Variants in ACAD8 observed in about 807,000 individuals in gnomAD.
ACAD8 encodes the protein isobutyryl-CoA dehydrogenase, mitochondrial.
Under a neutral mutation model 53.1 loss-of-function variants are expected in ACAD8, and 47 were observed. The ratio of observed to expected loss-of-function variants is 0.89; its 90% CI spans 0.70 to 1.13. The LOEUF (loss-of-function observed/expected upper bound fraction) is 1.13. Ranked by LOEUF, ACAD8 falls within the 50% of genes most tolerant of loss-of-function variation. ACAD8 has a pLI of 0.00. For missense variants in ACAD8, 494 were observed against 535.0 expected, an observed-to-expected ratio of 0.92 and a Z score of 0.76; for synonymous variants, 198 against 201.3, an observed-to-expected ratio of 0.98 and a Z score of 0.14.
At chr11:134,264,876 G>C (rs1426565949) in intron 10 of ACAD8, 32 bp from the exon 11 acceptor site, 7 of 1,606,764 alleles carry the variant, frequency 4.4e-6, no homozygotes, top group Non-Finnish European at 6.0e-6. Flanking sequence ...CTTTGCTGCT[G>C]TGAAATTCTT....
At chr11:134,262,741 G>A (rs770713884) in intron 10 of ACAD8, 119 bp downstream of exon 10, 21 of 1,515,038 alleles carry the variant, frequency 1.4e-5, no homozygotes, top group African/African-American at 1.1e-4. Flanking sequence ...TGTCTGTCTC[G>A]AGGCTTCCTC....
chr11:134,259,952 G>C, intron 6 of ACAD8: 1 of 1,427,018 alleles, frequency 7.0e-7, no homozygotes, highest in South Asian at 1.3e-5. Context: ...GACAATGTTT[G>C]CCAGTAAATT....
chr11:134,265,433 C>G lies in ACAD8; in HGVS notation c.*473C>G, dbSNP rs999954978. The G allele has an allele frequency of 4.2e-5, 7 of 168,456 alleles. No individual in the cohort carries two copies. The highest frequency in any genetic ancestry group is 4.0e-4 in the Admixed American group (7 of 17,414). 10.4% of individuals were successfully genotyped at this position (168,456 alleles called of 1,614,324 possible). A position where few individuals can be genotyped will look rare whatever the true frequency, so the allele number is the denominator to read the frequency against. ...GTTCTCTGTGCCACAGCTACAGATG[C>G]AGAAGGTTTCTCTGGATAGCACACC... On this transcript the variant is annotated 3_prime_UTR_variant, in exon 11 of 11. Coordinates refer to ENST00000281182, the MANE Select transcript of ACAD8 (RefSeq NM_014384.3).
intron 6 of ACAD8, chr11:134,260,594 G>A (rs1450849817): frequency 1.1e-5 from 3 of 285,546 alleles, no homozygotes; most frequent in East Asian, 9.5e-5. Context: ...TAACTCCTGG[G>A]CAGGAAGACC....
At position 134,261,256 on chromosome 11, in the gene ACAD8, C is replaced by G. The variant is rs950055547; in HGVS notation, c.842-19C>G. On this transcript the variant is annotated intron_variant, in intron 7 of 10. Coordinates refer to ENST00000281182, the MANE Select transcript of ACAD8 (RefSeq NM_014384.3). The surrounding 1 kb of genome is among the most constrained non-coding windows in gnomAD (Gnocchi z 4.2). ...CTGTTTTCCAGCTTGGTTGGAACGT[C>G]GGCGCTCTTCCCCTCTAGCTTCCTG... 9 of 1,614,046 alleles carry G rather than the reference C, an allele frequency of 5.6e-6. No individual in the cohort carries two copies. The highest frequency in any genetic ancestry group is 7.6e-6 in the Non-Finnish European group (9 of 1,179,950).
chr11:134,253,592 G>T lies in ACAD8; in HGVS notation c.-9G>T, dbSNP rs1342542789. ...CAGACTCTTAGCTGAACGCGGAGCT[G>T]CGGCGGCTATGCTGTGGAGCGGCTG... On this transcript the variant is annotated 5_prime_UTR_variant, in exon 1 of 11. Coordinates refer to ENST00000281182, the MANE Select transcript of ACAD8 (RefSeq NM_014384.3). The T allele has an allele frequency of 1.3e-6, 2 of 1,575,350 alleles. No homozygotes were observed. The highest frequency in any genetic ancestry group is 1.7e-6 in the Non-Finnish European group (2 of 1,163,112).
intron 10 of ACAD8, chr11:134,263,284 G>A (rs1940007919): frequency 3.0e-6 from 3 of 1,001,824 alleles, no homozygotes; most frequent in Non-Finnish European, 3.6e-6. Context: ...AGCAACGTGA[G>A]GCTGCCTTGC....
chr11:134,261,260 G>A lies in ACAD8; in HGVS notation c.842-15G>A, dbSNP rs778257880. ...TTTCCAGCTTGGTTGGAACGTCGGC[G>A]CTCTTCCCCTCTAGCTTCCTGCTCC... On this transcript the variant is annotated splice_polypyrimidine_tract_variant and intron_variant, in intron 7 of 10. Coordinates refer to ENST00000281182, the MANE Select transcript of ACAD8 (RefSeq NM_014384.3). The surrounding 1 kb of genome is among the most constrained non-coding windows in gnomAD (Gnocchi z 4.2). The A allele has an allele frequency of 1.3e-4, 217 of 1,613,954 alleles. No homozygotes were observed. The East Asian group carries it at 4.6e-3, about 34-fold the overall frequency.
At chr11:134,253,809 G>C in intron 1 of ACAD8, 100 bp downstream of exon 1, 3 of 1,258,120 alleles carry the variant, frequency 2.4e-6, no homozygotes, top group Non-Finnish European at 3.4e-6. Context: ...AGTCACCCCG[G>C]CGTCAGCTCC....
intron 1 of ACAD8, 67 bp downstream of exon 1, chr11:134,253,776 G>T: frequency 6.9e-7 from 1 of 1,447,840 alleles, no homozygotes; most frequent in Non-Finnish European, 9.4e-7. Flanking sequence ...TCCGCGAGGG[G>T]CTGCAGTCTC....
chr11:134,257,676 AAAAT>A (rs1437975293), intron 3 of ACAD8: 15 of 285,640 alleles, frequency 5.3e-5, no homozygotes, highest in East Asian at 2.7e-4. Flanking sequence ...CATCTCAAAA[AAAAT>A]AAATAAATAA....
intron 9 of ACAD8, chr11:134,262,110 CTGT>C: frequency 2.9e-6 from 2 of 687,262 alleles, no homozygotes; most frequent in South Asian, 1.5e-5. Context: ...CATTATGTCA[CTGT>C]TGTTTGGTTG....
At chr11:134,262,174 G>T (rs1382826969) in intron 9 of ACAD8, 4 of 658,650 alleles carry the variant, frequency 6.1e-6, no homozygotes, top group Non-Finnish European at 1.1e-5. Flanking sequence ...CCCCAATTTA[G>T]CACTCTGCCA....
intron 6 of ACAD8, chr11:134,260,315 C>T (rs1363184207): frequency 2.0e-6 from 1 of 497,290 alleles, no homozygotes; most frequent in Non-Finnish European, 2.7e-6. Flanking sequence ...AATAAGGGCT[C>T]AAGACCCATT....
intron 10 of ACAD8, chr11:134,263,339 C>T (rs988333038): frequency 2.0e-6 from 2 of 990,392 alleles, no homozygotes; most frequent in East Asian, 1.1e-4. Context: ...TTCACAGCAC[C>T]CTTCTCAAAC....
rs121908420 is a variant in ACAD8 at position 134,261,786 on chromosome 11, C to T, written c.988C>T (p.Arg330Trp). The T allele has an allele frequency of 1.6e-5, 26 of 1,614,002 alleles. No individual in the cohort carries two copies. The highest frequency in any genetic ancestry group is 3.3e-4 in the Middle Eastern group (2 of 6,084). ...TATGGCAACAAGGCTGGTGGCCGCG[C>T]GGCTGATGGTCCGCAATGCAGCAGT... The part of the protein sequence containing the change: ...ADMATRLVAA[R>W]LMVRNAAVAL... The change falls in exon 9 of 11, where the codon CGG becomes TGG. Residue 330 changes from arginine to tryptophan, a missense_variant. Physicochemically the swap from Arg to Trp is moderately radical, Grantham distance 101 (BLOSUM62 -3). Coordinates refer to ENST00000281182, the MANE Select transcript of ACAD8 (RefSeq NM_014384.3). The surrounding 1 kb of genome is among the most constrained non-coding windows in gnomAD (Gnocchi z 4.2).
chr11:134,261,578 C>T lies in ACAD8; in HGVS notation c.940-160C>T, dbSNP rs532206678. ...TGTCGGGTGAGTGAAGTGGACTTAG[C>T]ACTTAAAAGCAATAAATTTCCTCTA... On this transcript the variant is annotated intron_variant, in intron 8 of 10. Transcript: ENST00000281182. This position sits in a 1 kb window ranked among gnomAD's most constrained non-coding sequence, Gnocchi z 4.2. The T allele has an allele frequency of 1.3e-6, 2 of 1,540,620 alleles. No individual in the cohort carries two copies. Among genetic ancestry groups the T allele is most frequent in the African/African-American group, 2.7e-5 (2 of 73,048 alleles).
In ACAD8 at chr11:134,264,891, C is replaced by T. The variant is rs773422092; in HGVS notation, c.1196-17C>T. 9 of 1,613,412 alleles carry T rather than the reference C, an allele frequency of 5.6e-6. No homozygotes were observed. In the African/African-American group the frequency reaches 9.3e-5, roughly 17 times the overall value. ...CTTTGCTGCTGTGAAATTCTTCCTC[C>T]TTCCTCCCTCTTACAGGTAGCAATG... On this transcript the variant is annotated splice_polypyrimidine_tract_variant and intron_variant, in intron 10 of 10. Coordinates refer to ENST00000281182, the MANE Select transcript of ACAD8 (RefSeq NM_014384.3).
At position 134,261,908 on chromosome 11, in the gene ACAD8, C is replaced by A; in HGVS notation, c.1092+18C>A. 6.2e-7 allele frequency: 1 copy of A among 1,613,170 alleles called. No homozygotes were observed. Among genetic ancestry groups the A allele is most frequent in the Non-Finnish European group, 8.5e-7 (1 of 1,179,984 alleles). On this transcript the variant is annotated intron_variant, in intron 9 of 10. Coordinates refer to ENST00000281182, the MANE Select transcript of ACAD8 (RefSeq NM_014384.3). This position sits in a 1 kb window ranked among gnomAD's most constrained non-coding sequence, Gnocchi z 4.2. ...GCTTTGCCGTAAGTGATTCCTCTGG[C>A]TCTCCTGGGATGGACAGGGAACAGC... is the stretch of plus-strand genomic sequence containing the variant.
Sources: gnomAD v4.1 joint callset for allele counts on GRCh38, gnomAD v4.1.1 for gene constraint, Gnocchi (gnomAD v3.1) non-coding constraint, MANE v1.5 for transcripts, NCBI Gene and HGNC (gene_info 2026-07-23, HGNC 2026-07-21) for gene names.